Variants in ADAMTS6 observed in about 807,000 individuals in gnomAD.
ADAMTS6 encodes the protein ADAM metallopeptidase with thrombospondin type 1 motif 6.
Under a neutral mutation model 144.3 loss-of-function variants are expected in ADAMTS6, and 23 were observed. The ratio of observed to expected loss-of-function variants is 0.16; its 90% CI spans 0.11 to 0.23. ADAMTS6 has a LOEUF of 0.23. Ranked by LOEUF, ADAMTS6 falls within the 10% of genes least tolerant of loss-of-function variation. The probability of loss-of-function intolerance (pLI) is 1.00; values close to 1 mark genes in which losing one functional copy is unlikely to be tolerated. For synonymous variants in ADAMTS6, 444 were observed against 457.5 expected, an observed-to-expected ratio of 0.97 and a Z score of 0.38; for missense variants, 999 against 1,379.6, an observed-to-expected ratio of 0.72 and a Z score of 4.37.
At chr5:65,449,154 T>A (rs2150245398) in intron 7 of ADAMTS6, among the ~76,000 whole-genome samples, 1 of 152,310 alleles carries the variant, frequency 6.6e-6, no homozygotes, top group East Asian at 1.9e-4. Context: ...TTTGAAACTT[T>A]AATAAGAGTT....
chr5:65,338,790 C>A (rs1418792402), intron 7 of ADAMTS6, among the ~76,000 whole-genome samples: 1 of 152,214 alleles, frequency 6.6e-6, no homozygotes, highest in Admixed American at 6.5e-5. Flanking sequence ...CCACCACTGG[C>A]AAACACGCCC....
intron 15 of ADAMTS6, among the ~76,000 whole-genome samples, chr5:65,233,538 C>T (rs1172252669): frequency 6.6e-6 from 1 of 151,876 alleles, no homozygotes; most frequent in African/African-American, 2.4e-5. Context: ...TATACACTAA[C>T]AATTAATTAC....
chr5:65,185,675 A>G (rs1754634714), intron 22 of ADAMTS6, among the ~76,000 whole-genome samples: 1 of 152,216 alleles, frequency 6.6e-6, no homozygotes, highest in Non-Finnish European at 1.5e-5. Context: ...AATGCCTTAG[A>G]GCCTCTTAGA....
chr5:65,412,610 T>G (rs1432781159), intron 7 of ADAMTS6, among the ~76,000 whole-genome samples: 1 of 152,146 alleles, frequency 6.6e-6, no homozygotes, highest in East Asian at 1.9e-4. Context: ...CAAAAAAATT[T>G]GGAGAAGATG....
At chr5:65,279,556 A>T (rs1762829721) in intron 11 of ADAMTS6, among the ~76,000 whole-genome samples, 1 of 152,000 alleles carries the variant, frequency 6.6e-6, no homozygotes, top group South Asian at 2.1e-4. Context: ...ACCTCAAGTG[A>T]TCTGCCTGCC....
chr5:65,333,701 T>C (rs1469451639), intron 8 of ADAMTS6, among the ~76,000 whole-genome samples: 3 of 151,576 alleles, frequency 2.0e-5, no homozygotes, highest in Admixed American at 6.6e-5. Flanking sequence ...AGAAAATACA[T>C]TACAGAGATA....
At chr5:65,332,294 T>C (rs934572445) in intron 8 of ADAMTS6, among the ~76,000 whole-genome samples, 3 of 83,310 alleles carry the variant, frequency 3.6e-5, no homozygotes, top group Non-Finnish European at 7.7e-5. Context: ...AGGGTATATA[T>C]ATATATATAT....
At chr5:65,294,804 G>C (rs1479001503) in intron 10 of ADAMTS6, among the ~76,000 whole-genome samples, 1 of 151,960 alleles carries the variant, frequency 6.6e-6, no homozygotes, top group Admixed American at 6.6e-5. Context: ...AAATTCTCAA[G>C]TGCTTTATTC....
intron 15 of ADAMTS6, among the ~76,000 whole-genome samples, 184 bp downstream of exon 15, chr5:65,241,920 C>T (rs1010358140): frequency 1.3e-5 from 2 of 152,012 alleles, no homozygotes; most frequent in Non-Finnish European, 2.9e-5. Context: ...ATATATAAAC[C>T]TTATTACAGG....
At chr5:65,437,963 AC>A (rs1268081086) in intron 7 of ADAMTS6, among the ~76,000 whole-genome samples, 2 of 152,184 alleles carry the variant, frequency 1.3e-5, no homozygotes, top group African/African-American at 4.8e-5. Context: ...ATGCTTTCTT[AC>A]TATAATTTAA....
chr5:65,332,084 C>T (rs1746777915), intron 8 of ADAMTS6, among the ~76,000 whole-genome samples: 1 of 151,536 alleles, frequency 6.6e-6, no homozygotes, highest in African/African-American at 2.4e-5. Flanking sequence ...TAATGACAAT[C>T]AAAGTACTAG....
chr5:65,300,104 T>C lies in ADAMTS6; in HGVS notation c.1251A>G (p.Gly417=), dbSNP rs1743212463. 1 of 1,614,096 alleles carries C rather than the reference T, an allele frequency of 6.2e-7. No individual in the cohort carries two copies. The highest frequency in any genetic ancestry group is 8.5e-7 in the Non-Finnish European group (1 of 1,179,990). Residue 417 remains glycine, a synonymous_variant, in exon 10 of 25, where the codon GGA becomes GGG. Coordinates refer to ENST00000381055, the MANE Select transcript of ADAMTS6 (RefSeq NM_197941.4). ...CATGACCTTTCGTCCCACAAGAATT[T>C]CCAATTCCATCATGGTTCATACCAA... ...HNFGMNHDGI[G]NSCGTKGHEA...
intron 10 of ADAMTS6, among the ~76,000 whole-genome samples, chr5:65,293,425 C>G (rs1742518450): frequency 6.6e-6 from 1 of 152,020 alleles, no homozygotes; most frequent in Admixed American, 6.6e-5. Flanking sequence ...ACCTAAGTGA[C>G]ACCAGCTTTT....
At chr5:65,463,963 CAACA>C (rs971183422) in intron 3 of ADAMTS6, among the ~76,000 whole-genome samples, 1 of 152,168 alleles carries the variant, frequency 6.6e-6, no homozygotes, top group Non-Finnish European at 1.5e-5. Context: ...TCTCCTTCCT[CAACA>C]AACAAACACC....
chr5:65,454,436 T>C lies in ADAMTS6; in HGVS notation c.632-1518A>G, dbSNP rs369081264. On this transcript the variant is annotated intron_variant, in intron 4 of 24. Transcript: ENST00000381055. Reference sequence around the variant, plus strand: ...GAAGCAAAGACATAAACACCACTTCTTATTTCGATAGAATATCCTCCAGAT... The same window carrying C: ...GAAGCAAAGACATAAACACCACTTCCTATTTCGATAGAATATCCTCCAGAT... 2.4e-4 allele frequency among the ~76,000 whole-genome samples: 36 copies of C among 152,204 alleles called. 1 individual carries two copies. Among genetic ancestry groups the C allele is most frequent in the East Asian group, 1.5e-3 (8 of 5,196 alleles).
chr5:65,381,897 G>C (rs187452092), intron 7 of ADAMTS6, among the ~76,000 whole-genome samples: 11 of 152,128 alleles, frequency 7.2e-5, no homozygotes, highest in Admixed American at 3.3e-4. Context: ...ATTCTGTGAG[G>C]AATTAAGGTT....
intron 9 of ADAMTS6, among the ~76,000 whole-genome samples, chr5:65,308,319 C>T (rs1744137994): frequency 6.6e-6 from 1 of 151,938 alleles, no homozygotes; most frequent in Non-Finnish European, 1.5e-5. Context: ...AGGTCAAGGC[C>T]AAAGAAATAG....
intron 24 of ADAMTS6, among the ~76,000 whole-genome samples, chr5:65,162,620 TACACACACACACAC>T (rs10529076): frequency 1.8e-4 from 26 of 145,936 alleles, no homozygotes; most frequent in South Asian, 9.1e-4. Flanking sequence ...TATAAGATAC[TACACACACACACAC>T]ACACACACAC....
At chr5:65,410,549 T>C (rs541297282) in intron 7 of ADAMTS6, among the ~76,000 whole-genome samples, 4,303 of 152,212 alleles carry the variant, frequency 0.028, 207 homozygotes, top group African/African-American at 0.097. Context: ...TACTCTCTTT[T>C]ATACCATTGC....
Sources: allele counts gnomAD v4.1 joint callset (sites outside exome capture counted in the v4.1 genomes callset), GRCh38; gene constraint gnomAD v4.1.1; transcripts MANE v1.5; gene names NCBI Gene and HGNC (gene_info 2026-07-23, HGNC 2026-07-21).